The following TUBB6 variants were observed in gnomAD, a reference collection of about 807,000 sequenced individuals.
The protein encoded by TUBB6 is tubulin beta 6 class V.
A neutral mutation model predicts 32.3 loss-of-function variants in TUBB6; 18 were observed. The ratio of observed to expected loss-of-function variants is 0.56; its 90% CI spans 0.39 to 0.83. The LOEUF is 0.83. TUBB6 is among the 40% of genes least tolerant of loss of function. The pLI is 0.00. For synonymous variants in TUBB6, 280 were observed against 265.8 expected (o/e 1.05, Z -0.52); for missense variants, 480 against 632.0 (o/e 0.76, Z 2.58).
Position 12,325,804 on chromosome 18 carries a change from A to T in TUBB6, c.1015A>T (p.Ser339Cys). The change falls in exon 4 of 4, where the codon AGC becomes TGC. Residue 339 changes from serine to cysteine, a missense_variant. Physicochemically the swap from Ser to Cys is moderately radical, Grantham distance 112. Coordinates refer to ENST00000317702, the MANE Select transcript of TUBB6 (RefSeq NM_032525.3). ...QMLAIQSKNS[S>C]YFVEWIPNNV... ...GCTGGCCATCCAGAGTAAGAACAGCAGCTACTTCGTGGAGTGGATTCCCAA... is the reference window on the plus strand; with the variant it reads ...GCTGGCCATCCAGAGTAAGAACAGCTGCTACTTCGTGGAGTGGATTCCCAA... 6.2e-7 allele frequency: 1 copy of T among 1,614,252 alleles called. No individual in the cohort carries two copies. Among genetic ancestry groups the T allele is most frequent in the Non-Finnish European group, 8.5e-7 (1 of 1,180,044 alleles).
intron 2 of TUBB6, 27 bp downstream of exon 2, chr18:12,308,822 C>A: frequency 6.8e-7 from 1 of 1,474,522 alleles, no homozygotes. Context: ...CCGCGCCCTG[C>A]CCGGCCGGGA....
chr18:12,327,940 G>A (rs994345842), downstream of TUBB6, among the ~76,000 whole-genome samples: 1 of 152,224 alleles, frequency 6.6e-6, no homozygotes, highest in Non-Finnish European at 1.5e-5. Flanking sequence ...ATCGTCTACT[G>A]CCTGTATGGT....
chr18:12,308,243 T>TAG lies in TUBB6; in HGVS notation c.-50_-49insAG. On this transcript the variant is annotated 5_prime_UTR_variant, in exon 1 of 4. Coordinates refer to ENST00000317702, the MANE Select transcript of TUBB6 (RefSeq NM_032525.3). ...CGGGACGCGCGCAGCCGGCCCGCAG[T>TAG]TGCCGCTGTCGTCCGCAGAGCCAGT... The TAG allele has an allele frequency of 1.7e-5, 23 of 1,333,954 alleles. No individual in the cohort carries two copies. Among genetic ancestry groups the TAG allele is most frequent in the Non-Finnish European group, 2.1e-5 (22 of 1,031,286 alleles). 82.6% of individuals were successfully genotyped at this position (1,333,954 alleles called of 1,614,324 possible).
At chr18:12,322,449 C>T (rs77480421) in intron 3 of TUBB6, among the ~76,000 whole-genome samples, 5,187 of 151,580 alleles carry the variant, frequency 0.034, 124 homozygotes, top group Non-Finnish European at 0.045. Flanking sequence ...CCATCTTCTA[C>T]GCTTAAGTGA....
intron 3 of TUBB6, among the ~76,000 whole-genome samples, chr18:12,312,734 T>C (rs1239267626): frequency 6.6e-6 from 1 of 152,122 alleles, no homozygotes; most frequent in Non-Finnish European, 1.5e-5. Flanking sequence ...GAGCAGTAGC[T>C]AACGCCTGTA....
downstream of TUBB6, chr18:12,329,397 G>T: frequency 1.3e-6 from 1 of 755,566 alleles, no homozygotes; most frequent in Non-Finnish European, 2.3e-6. Context: ...GCCACCCACT[G>T]TGACCTCTGA....
intron 3 of TUBB6, among the ~76,000 whole-genome samples, chr18:12,324,044 C>T (rs187289594): frequency 1.4e-3 from 212 of 152,288 alleles, no homozygotes; most frequent in Non-Finnish European, 2.7e-3. Flanking sequence ...ATGAGGGGCT[C>T]CATTAACATG....
At chr18:12,315,609 G>A (rs978697836) in intron 3 of TUBB6, among the ~76,000 whole-genome samples, 2 of 152,166 alleles carry the variant, frequency 1.3e-5, no homozygotes, top group East Asian at 1.9e-4. Context: ...CTACACTGAC[G>A]TAAATTGTCA....
chr18:12,327,288 G>A (rs1907370534), downstream of TUBB6, among the ~76,000 whole-genome samples: 1 of 152,180 alleles, frequency 6.6e-6, no homozygotes. Flanking sequence ...TGACCATCCT[G>A]GGCAGAGCCC....
In TUBB6 at chr18:12,326,121, C is replaced by T. The variant is rs376872570; in HGVS notation, c.1332C>T (p.Ile444=). Residue 444 remains isoleucine (I), a synonymous_variant, in exon 4 of 4, where the codon ATC becomes ATT. Coordinates refer to ENST00000317702, the MANE Select transcript of TUBB6 (RefSeq NM_032525.3). ...EEAFEDEEEE[I]DG is the part of the protein sequence containing the mutation. The stretch of plus-strand genomic sequence containing the variant: ...CTTTTGAGGATGAGGAAGAGGAGAT[C>T]GATGGATAGTCGGAATAGAGCCGCC... 1.8e-5 allele frequency: 29 copies of T among 1,611,902 alleles called. No individual in the cohort carries two copies. Among genetic ancestry groups the T allele is most frequent in the Non-Finnish European group, 2.4e-5 (28 of 1,178,764 alleles).
chr18:12,311,348 A>G (rs545764575), intron 3 of TUBB6, among the ~76,000 whole-genome samples: 2 of 152,324 alleles, frequency 1.3e-5, no homozygotes, highest in Admixed American at 1.3e-4. Flanking sequence ...CTGTAATCCC[A>G]CCACTTTGGG....
At chr18:12,308,654 G>T in intron 1 of TUBB6, 33 bp from the exon 2 acceptor site, 1 of 1,461,082 alleles carries the variant, frequency 6.8e-7, no homozygotes, top group South Asian at 1.1e-5. Flanking sequence ...TCTGGGTTCT[G>T]AGCGTCTGTC....
intron 3 of TUBB6, among the ~76,000 whole-genome samples, chr18:12,319,196 T>G (rs1598806536): frequency 6.7e-6 from 1 of 148,774 alleles, no homozygotes; most frequent in Admixed American, 6.8e-5. Context: ...CAGGCTGGAG[T>G]GCAATGGCGC....
downstream of TUBB6, among the ~76,000 whole-genome samples, chr18:12,328,356 T>C (rs1907403888): frequency 2.0e-5 from 3 of 152,262 alleles, no homozygotes; most frequent in South Asian, 2.1e-4. Flanking sequence ...GTCTCCTCCA[T>C]GTCCAAATAA....
At chr18:12,323,819 A>G (rs923199668) in intron 3 of TUBB6, among the ~76,000 whole-genome samples, 1 of 152,058 alleles carries the variant, frequency 6.6e-6, no homozygotes, top group African/African-American at 2.4e-5. Context: ...AAAAAAAAAA[A>G]GCACCATTAT....
chr18:12,327,870 G>T (rs1907388801), downstream of TUBB6, among the ~76,000 whole-genome samples: 2 of 152,260 alleles, frequency 1.3e-5, no homozygotes, highest in South Asian at 4.1e-4. Flanking sequence ...CTGTGAGAGG[G>T]CAGCCCACGC....
At chr18:12,327,874 C>T (rs1907389037), downstream of TUBB6, among the ~76,000 whole-genome samples, 1 of 152,226 alleles carries the variant, frequency 6.6e-6, no homozygotes, top group Non-Finnish European at 1.5e-5. Context: ...GAGAGGGCAG[C>T]CCACGCTGGC....
chr18:12,308,604 C>A (rs985911326), intron 1 of TUBB6, 83 bp from the exon 2 acceptor site: 1 of 1,094,050 alleles, frequency 9.1e-7, no homozygotes. Flanking sequence ...ATTCGGCCGC[C>A]GGGGCGCCTG....
At position 12,325,333 on chromosome 18, in the gene TUBB6, C is replaced by G. The variant is rs1269925571; in HGVS notation, c.544C>G (p.Pro182Ala). The change falls in exon 4 of 4, where the codon CCC becomes GCC. Residue 182 changes from proline to alanine, a missense_variant. Pro to Ala is a conservative substitution (Grantham distance 27, BLOSUM62 -1). Transcript: ENST00000317702. ...CAAGGTGTCGGACACGGTGGTGGAG[C>G]CCTACAATGCCACACTGTCGGTGCA... ...SPKVSDTVVE[P>A]YNATLSVHQL... is the part of the protein sequence containing the mutation. The G allele has an allele frequency of 2.5e-6, 4 of 1,614,066 alleles. No individual in the cohort carries two copies. The highest frequency in any genetic ancestry group is 2.7e-5 in the African/African-American group (2 of 74,914).
Sources: gnomAD v4.1 joint callset for allele counts (sites outside exome capture counted in the v4.1 genomes callset) on GRCh38, gnomAD v4.1.1 for gene constraint, MANE v1.5 for transcripts, NCBI Gene and HGNC (gene_info 2026-07-23, HGNC 2026-07-21) for gene names.